SLC6A12: variants seen among roughly 807,000 people sequenced by gnomAD.
The protein encoded by SLC6A12 is solute carrier family 6 member 12.
In SLC6A12, 50 loss-of-function variants were observed where a neutral mutation model predicts 73.3. That is an observed-to-expected ratio of 0.68 (90% confidence interval 0.54 to 0.86). SLC6A12 has a LOEUF of 0.86. Among genes scored for constraint, SLC6A12 ranks in the 40% least tolerant of loss-of-function variants. The pLI, the probability that SLC6A12 is intolerant of heterozygous loss-of-function variation, is 0.00. For synonymous variants in SLC6A12, 304 were observed against 309.2 expected (o/e 0.98, Z 0.18); for missense variants, 648 against 772.8 (o/e 0.84, Z 1.92).
chr12:197,034 T>G (rs965763076), intron 10 of SLC6A12, 152 bp from the exon 11 acceptor site: 1 of 195,886 alleles, frequency 5.1e-6, no homozygotes, highest in African/African-American at 6.4e-5. Flanking sequence ...TTTCCAGGCC[T>G]GGGAAGCATA....
intron 3 of SLC6A12, among the ~76,000 whole-genome samples, chr12:205,974 T>G (rs1003308203): frequency 6.6e-6 from 1 of 152,236 alleles, no homozygotes. Flanking sequence ...ACTGTCCACA[T>G]CCTCGTGCAC....
At chr12:201,647 G>A (rs1940269745) in intron 6 of SLC6A12, 115 bp downstream of exon 6, 1 of 791,602 alleles carries the variant, frequency 1.3e-6, no homozygotes, top group Non-Finnish European at 2.2e-6. Context: ...GGGCGGGGGA[G>A]GAAGTGCTGG....
At position 201,735 on chromosome 12, in the gene SLC6A12, T is replaced by C. The variant is rs216248; in HGVS notation, c.578+27A>G. 761,737 of 1,572,868 alleles carry C rather than the reference T, an allele frequency of 0.48. 189,704 individuals are homozygous for C. The highest frequency in any genetic ancestry group is 0.76 in the African/African-American group (56,000 of 74,120). ...CTCAGACATCCAAATTTCCTCTTCA[T>C]ATGTGGCAAATGGGCCCAGCACCTA... On this transcript the variant is annotated intron_variant, in intron 6 of 15. Transcript: ENST00000684302.
intron 14 of SLC6A12, 96 bp from the exon 15 acceptor site, chr12:192,744 C>T: frequency 8.8e-7 from 1 of 1,140,800 alleles, no homozygotes; most frequent in Non-Finnish European, 1.3e-6. Flanking sequence ...AAGTCAGGTG[C>T]ACTGCAGCAC....
chr12:203,059 CTT>C (rs10582500), intron 4 of SLC6A12, among the ~76,000 whole-genome samples, 179 bp from the exon 5 acceptor site: 25 of 68,320 alleles, frequency 3.7e-4, no homozygotes, highest in East Asian at 9.0e-4. Flanking sequence ...TTTTTCTTTT[CTT>C]TTTTTTTTTT....
In SLC6A12 at chr12:196,153, A is replaced by G; in HGVS notation, c.1297T>C (p.Tyr433His). ...GTGACCAGGAAAAGCCCTATCAGGT[A>G]GCACATGACGGCGATGGTGAGGATG... The part of the protein sequence containing the change: ...LLILTIAVMC[Y>H]LIGLFLVTEG... Residue 433 changes from tyrosine to histidine, a missense_variant, in exon 12 of 16, where the codon TAC (tyrosine) becomes CAC (histidine). Coordinates refer to ENST00000684302, the MANE Select transcript of SLC6A12 (RefSeq NM_001122848.3). 6.4e-7 allele frequency: 1 copy of G among 1,568,432 alleles called. No individual in the cohort carries two copies. The highest frequency in any genetic ancestry group is 8.6e-7 in the Non-Finnish European group (1 of 1,156,398).
chr12:184,862 G>A, the SLC6A12 span, among the ~76,000 whole-genome samples: 1 of 152,076 alleles, frequency 6.6e-6, no homozygotes, highest in East Asian at 1.9e-4. Context: ...GAACCCAGGA[G>A]GCAGAGGTTG....
At chr12:187,158 T>TG (rs1939445797), downstream of SLC6A12, among the ~76,000 whole-genome samples, 1 of 152,206 alleles carries the variant, frequency 6.6e-6, no homozygotes, top group East Asian at 1.9e-4. Context: ...AAATTGTAGC[T>TG]GCCAGATTTG....
chr12:194,961 T>G (rs577533164), intron 13 of SLC6A12, among the ~76,000 whole-genome samples: 3 of 152,340 alleles, frequency 2.0e-5, no homozygotes, highest in South Asian at 2.1e-4. Flanking sequence ...TCGAGGACAC[T>G]GTGCGCTGTG....
chr12:184,446 A>G, the SLC6A12 span, among the ~76,000 whole-genome samples: 8 of 152,250 alleles, frequency 5.3e-5, no homozygotes, highest in South Asian at 1.7e-3. Flanking sequence ...CCAACATGGC[A>G]AAACCTCATC....
downstream of SLC6A12, among the ~76,000 whole-genome samples, chr12:186,856 T>G (rs1035485782): frequency 6.6e-6 from 1 of 152,040 alleles, no homozygotes; most frequent in Non-Finnish European, 1.5e-5. Context: ...GGGTGTGAGG[T>G]CCACACCGGA....
At position 209,730 on chromosome 12, in the gene SLC6A12, G is replaced by A. The variant is rs1433484018; in HGVS notation, c.214+43C>T. On this transcript the variant is annotated intron_variant, in intron 3 of 15. Coordinates refer to ENST00000684302, the MANE Select transcript of SLC6A12 (RefSeq NM_001122848.3). ...CCAGGTAGGCACTGCCCAGCTGCCA[G>A]CACACAGCTCTCCCCACCATGCCTA... 23 of 1,611,232 alleles carry A rather than the reference G, an allele frequency of 1.4e-5. No individual in the cohort carries two copies. The East Asian group carries it at 4.9e-4, about 34-fold the overall frequency.
At chr12:201,289 G>C (rs968846651) in intron 6 of SLC6A12, 7 of 198,574 alleles carry the variant, frequency 3.5e-5, no homozygotes, top group South Asian at 3.1e-4. Flanking sequence ...AGGTGGACGA[G>C]TGTGGGCACA....
At chr12:199,208 G>A (rs906183143) in intron 7 of SLC6A12, 4 of 477,726 alleles carry the variant, frequency 8.4e-6, no homozygotes, top group Non-Finnish European at 1.5e-5. Context: ...CCCATAACCT[G>A]TCCAAGACCA....
In SLC6A12 at chr12:198,945, G is replaced by C. The variant is rs750028666; in HGVS notation, c.712-14C>G. The C allele has an allele frequency of 1.2e-6, 2 of 1,613,772 alleles. No homozygotes were observed. ...GAAATAAACCACCTGGAGGTGGGGGGACAGGCCAAGGTCACTCCTGGTGGG... is the reference window on the plus strand; with the variant it reads ...GAAATAAACCACCTGGAGGTGGGGGCACAGGCCAAGGTCACTCCTGGTGGG... On this transcript the variant is annotated splice_polypyrimidine_tract_variant and intron_variant, in intron 7 of 15. Transcript: ENST00000684302. The surrounding 1 kb of genome is among the most constrained non-coding windows in gnomAD (Gnocchi z 4.0).
rs559539489 is a variant in SLC6A12, at chr12:192,502, C to A, written c.1677G>T (p.Leu559=). 1.5e-5 allele frequency: 24 copies of A among 1,614,078 alleles called. No individual in the cohort carries two copies. In the South Asian group the frequency reaches 2.5e-4, roughly 17 times the overall value. The part of the protein sequence containing the change: ...CVPLFVVITL[L]KTRGPFRKRL... ...CCTTCCTGAAAGGACCCCGAGTCTT[C>A]AGGAGGGTGATGACGACGAAGAGTG... Residue 559 remains leucine, a synonymous_variant, in exon 15 of 16, where the codon CTG becomes CTT. Coordinates refer to ENST00000684302, the MANE Select transcript of SLC6A12 (RefSeq NM_001122848.3).
chr12:200,763 G>A lies in SLC6A12; in HGVS notation c.599C>T (p.Thr200Ile). 1.2e-6 allele frequency: 2 copies of A among 1,614,018 alleles called. No individual in the cohort carries two copies. Among genetic ancestry groups the A allele is most frequent in the South Asian group, 1.1e-5 (1 of 91,056 alleles). The change falls in exon 7 of 16, where the codon ACC becomes ATC. Residue 200 changes from threonine to isoleucine, a missense_variant. Thr to Ile is a moderately conservative substitution (Grantham distance 89, BLOSUM62 -1). Transcript: ENST00000684302. ...EFWERRVLGI[T>I]SGIHDLGSLR... is the part of the protein sequence containing the mutation. Reference sequence around the variant, plus strand: ...GGAGCCCAGGTCATGGATGCCCGAGGTGATGCCCAGAACTCGTCTCCTGGA... The same window carrying A: ...GGAGCCCAGGTCATGGATGCCCGAGATGATGCCCAGAACTCGTCTCCTGGA...
downstream of SLC6A12, among the ~76,000 whole-genome samples, chr12:186,953 G>T (rs3847948): frequency 4.4e-3 from 666 of 152,210 alleles, 4 homozygotes; most frequent in African/African-American, 0.014. Context: ...TGTCCCTTGC[G>T]TCGCACCCAA....
chr12:196,361 G>T, intron 11 of SLC6A12, 100 bp from the exon 12 acceptor site: 1 of 1,409,958 alleles, frequency 7.1e-7, no homozygotes, highest in Non-Finnish European at 9.7e-7. Context: ...CTGATGCACA[G>T]GGGTGCAGGG....
Sources: gnomAD v4.1 joint callset for allele counts (sites outside exome capture counted in the v4.1 genomes callset) on GRCh38, gnomAD v4.1.1 for gene constraint, Gnocchi (gnomAD v3.1) non-coding constraint, MANE v1.5 for transcripts, NCBI Gene and HGNC (gene_info 2026-07-23, HGNC 2026-07-21) for gene names.